SPMIP11: variants seen among roughly 807,000 people sequenced by gnomAD.
SPMIP11 encodes the protein sperm microtubule inner protein 11.
the SPMIP11 span, chr12:48,770,962 G>A: frequency 9.9e-6 from 16 of 1,613,880 alleles, no homozygotes; most frequent in East Asian, 1.1e-4. Flanking sequence ...ACCGCTCCTC[G>A]CTGATAATCT....
At chr12:48,754,772 G>A in the SPMIP11 span, among the ~76,000 whole-genome samples, 1 of 140,590 alleles carries the variant, frequency 7.1e-6, no homozygotes, top group Middle Eastern at 3.8e-3. Flanking sequence ...TTTGAGGCAG[G>A]GTCTTGCTCT....
chr12:48,741,069 CTT>C, the SPMIP11 span, among the ~76,000 whole-genome samples: 350 of 112,484 alleles, frequency 3.1e-3, 1 homozygote, highest in African/African-American at 9.7e-3. Flanking sequence ...ATGATATTGA[CTT>C]TTTTTTTTTT....
At chr12:48,736,181 A>G in the SPMIP11 span, 38 of 406,740 alleles carry the variant, frequency 9.3e-5, no homozygotes, top group Non-Finnish European at 1.7e-4. Flanking sequence ...AGGTGAGTGG[A>G]TTCCTTGAGC....
At chr12:48,739,415 T>G in the SPMIP11 span, among the ~76,000 whole-genome samples, 49 of 152,174 alleles carry the variant, frequency 3.2e-4, no homozygotes, top group Admixed American at 2.6e-3. Flanking sequence ...ATTTTGAGGA[T>G]CCTGACTTTT....
the SPMIP11 span, among the ~76,000 whole-genome samples, chr12:48,743,229 C>G: frequency 1.9e-3 from 271 of 144,236 alleles, 1 homozygote; most frequent in Non-Finnish European, 3.5e-3. Context: ...CCCATCTCTA[C>G]TAAAAAAAAA....
chr12:48,753,964 A>G, the SPMIP11 span, among the ~76,000 whole-genome samples: 1 of 152,144 alleles, frequency 6.6e-6, no homozygotes, highest in Non-Finnish European at 1.5e-5. Context: ...CAGCCTCCCA[A>G]AGTGCTGGGA....
the SPMIP11 span, chr12:48,759,243 C>A: frequency 1.4e-6 from 1 of 702,988 alleles, no homozygotes; most frequent in South Asian, 1.5e-5. Context: ...GGCTTCCCCC[C>A]ATTATCTCAA....
At chr12:48,741,577 C>G in the SPMIP11 span, among the ~76,000 whole-genome samples, 1 of 151,772 alleles carries the variant, frequency 6.6e-6, no homozygotes, top group African/African-American at 2.4e-5. Context: ...GTTTTCTTCA[C>G]TGTCAAGTTA....
chr12:48,756,627 C>A, the SPMIP11 span, among the ~76,000 whole-genome samples: 1 of 152,074 alleles, frequency 6.6e-6, no homozygotes, highest in Non-Finnish European at 1.5e-5. Context: ...TCGGCAATTT[C>A]CAAAGAGAAT....
At chr12:48,764,568 A>G in the SPMIP11 span, among the ~76,000 whole-genome samples, 1 of 152,196 alleles carries the variant, frequency 6.6e-6, no homozygotes, top group African/African-American at 2.4e-5. Flanking sequence ...AAGTGGGTTG[A>G]CCACTTGTTT....
the SPMIP11 span, chr12:48,768,315 C>A: frequency 7.8e-6 from 4 of 515,266 alleles, no homozygotes. Flanking sequence ...GCTACTGACC[C>A]CTCCCCTGCT....
At chr12:48,737,281 G>A in the SPMIP11 span, among the ~76,000 whole-genome samples, 575 of 151,452 alleles carry the variant, frequency 3.8e-3, 1 homozygote, top group Middle Eastern at 0.017. Flanking sequence ...TTTTTGATCC[G>A]TAGTATTCTG....
At chr12:48,758,766 C>G in the SPMIP11 span, among the ~76,000 whole-genome samples, 1 of 152,228 alleles carries the variant, frequency 6.6e-6, no homozygotes, top group Non-Finnish European at 1.5e-5. Flanking sequence ...ATTCTGCTGT[C>G]TGAAATGCTC....
the SPMIP11 span, among the ~76,000 whole-genome samples, chr12:48,742,454 G>A: frequency 1.3e-5 from 2 of 151,220 alleles, no homozygotes; most frequent in Admixed American, 6.6e-5. Flanking sequence ...GCTAATTTTT[G>A]TATTTTCAGT....
the SPMIP11 span, chr12:48,769,134 C>T: frequency 2.0e-4 from 283 of 1,397,418 alleles, no homozygotes; most frequent in Non-Finnish European, 2.5e-4. Context: ...CACCTCCTGG[C>T]ACTGGTAGAA....
chr12:48,744,103 C>T, the SPMIP11 span, among the ~76,000 whole-genome samples: 1 of 151,372 alleles, frequency 6.6e-6, no homozygotes, highest in Non-Finnish European at 1.5e-5. Context: ...ATAAAAATAG[C>T]CGGGCATGGT....
At chr12:48,762,118 G>C in the SPMIP11 span, among the ~76,000 whole-genome samples, 1 of 142,438 alleles carries the variant, frequency 7.0e-6, no homozygotes, top group African/African-American at 2.7e-5. Context: ...GAGTGCAGTG[G>C]CGCGATCTCG....
chr12:48,770,412 G>C, the SPMIP11 span, among the ~76,000 whole-genome samples: 58 of 152,154 alleles, frequency 3.8e-4, no homozygotes, highest in Non-Finnish European at 5.6e-4. Flanking sequence ...ACCTCTTATT[G>C]GACTGGTCAC....
chr12:48,745,041 C>A, the SPMIP11 span, among the ~76,000 whole-genome samples: 1 of 151,920 alleles, frequency 6.6e-6, no homozygotes, highest in Non-Finnish European at 1.5e-5. Context: ...GAAGCCGAGG[C>A]GGGTGGATCA....
Sources: allele counts gnomAD v4.1 joint callset (sites outside exome capture counted in the v4.1 genomes callset), GRCh38; gene constraint gnomAD v4.1.1; transcripts MANE v1.5; gene names NCBI Gene and HGNC (gene_info 2026-07-23, HGNC 2026-07-21).